Variants in NINL observed in about 807,000 individuals in gnomAD.
NINL encodes ninein like, also known as ninein-like protein.
NINL carries 153 observed loss-of-function variants against 160.3 expected under a neutral mutation model. The ratio of observed to expected loss-of-function variants is 0.95; its 90% CI spans 0.84 to 1.09. NINL has a LOEUF of 1.09. NINL is among the 50% of genes least tolerant of loss of function. The probability of loss-of-function intolerance (pLI) is 0.00; values close to 1 mark genes in which losing one functional copy is unlikely to be tolerated. For synonymous variants in NINL, 800 were observed against 734.8 expected, an observed-to-expected ratio of 1.09 and a Z score of -1.43; for missense variants, 1,829 against 1,764.0, an observed-to-expected ratio of 1.04 and a Z score of -0.66.
At chr20:25,553,620 T>C (rs1168386668) in intron 1 of NINL, among the ~76,000 whole-genome samples, 1 of 152,204 alleles carries the variant, frequency 6.6e-6, no homozygotes, top group African/African-American at 2.4e-5. Flanking sequence ...GTAAAGCCCA[T>C]ATAAAATCTC....
Position 25,482,118 on chromosome 20 carries a change from G to C in NINL, c.1678-18C>G, listed in dbSNP as rs1465745811. ...TGCAGGTCCTGTGGGGACAGAGCCAGCCACCTCCTCTAGCAGCTGCAGCCA... is the reference window on the plus strand; with the variant it reads ...TGCAGGTCCTGTGGGGACAGAGCCACCCACCTCCTCTAGCAGCTGCAGCCA... On this transcript the variant is annotated intron_variant, in intron 13 of 23. Coordinates refer to ENST00000278886, the MANE Select transcript of NINL (RefSeq NM_025176.6). 1.9e-6 allele frequency: 3 copies of C among 1,587,822 alleles called. No individual in the cohort carries two copies. Among genetic ancestry groups the C allele is most frequent in the Non-Finnish European group, 2.6e-6 (3 of 1,172,854 alleles).
At chr20:25,513,166 C>A (rs565809182) in intron 3 of NINL, among the ~76,000 whole-genome samples, 160 bp from the exon 4 acceptor site, 1 of 152,306 alleles carries the variant, frequency 6.6e-6, no homozygotes, top group East Asian at 1.9e-4. Context: ...ACACGAGAAA[C>A]AGTGAACAAT....
chr20:25,466,159 C>T (rs573595637), intron 19 of NINL, among the ~76,000 whole-genome samples: 51 of 152,170 alleles, frequency 3.4e-4, no homozygotes, highest in Middle Eastern at 3.4e-3. Context: ...GTAGCTGGGA[C>T]TATAGGCACA....
intron 1 of NINL, among the ~76,000 whole-genome samples, chr20:25,581,035 T>C (rs934005222): frequency 1.3e-5 from 2 of 152,246 alleles, no homozygotes; most frequent in African/African-American, 4.8e-5. Flanking sequence ...TAGGAAGCCA[T>C]GCCAGTTCAG....
At chr20:25,544,021 A>G (rs1305884687) in intron 1 of NINL, among the ~76,000 whole-genome samples, 1 of 131,688 alleles carries the variant, frequency 7.6e-6, no homozygotes, top group Admixed American at 7.2e-5. Flanking sequence ...CAGTGTTTTG[A>G]TTACTCTGTG....
At chr20:25,555,956 T>G (rs1315532872) in intron 1 of NINL, among the ~76,000 whole-genome samples, 1 of 148,950 alleles carries the variant, frequency 6.7e-6, no homozygotes, top group Non-Finnish European at 1.5e-5. Context: ...ATTATAAGCG[T>G]GAGCCACCAT....
intron 13 of NINL, among the ~76,000 whole-genome samples, chr20:25,483,345 AAAAG>A (rs941318547): frequency 2.0e-5 from 3 of 151,378 alleles, no homozygotes; most frequent in African/African-American, 4.8e-5. Context: ...CAAAAAAAAA[AAAAG>A]AAAAGAAAAG....
chr20:25,554,636 C>CAAAAAAAA (rs747557892), intron 1 of NINL, among the ~76,000 whole-genome samples: 1 of 85,800 alleles, frequency 1.2e-5, no homozygotes, highest in Non-Finnish European at 2.1e-5. Flanking sequence ...AAAAAAAAAA[C>CAAAAAAAA]AAAAAAAAAA....
At chr20:25,513,044 T>C (rs1224318222) in intron 3 of NINL, 38 bp from the exon 4 acceptor site, 5 of 1,580,180 alleles carry the variant, frequency 3.2e-6, no homozygotes, top group African/African-American at 2.7e-5. Flanking sequence ...GGGTCCTTTA[T>C]AGCAGTTCTG....
intron 1 of NINL, among the ~76,000 whole-genome samples, chr20:25,566,155 C>G (rs1197980756): frequency 6.6e-6 from 1 of 152,208 alleles, no homozygotes; most frequent in South Asian, 2.1e-4. Context: ...AGACAGATAC[C>G]CTGTTGGTCT....
intron 5 of NINL, among the ~76,000 whole-genome samples, chr20:25,507,518 A>T (rs1568926863): frequency 6.6e-6 from 1 of 152,224 alleles, no homozygotes; most frequent in African/African-American, 2.4e-5. Flanking sequence ...CCAGCCAGAC[A>T]TGTTCCTCTA....
chr20:25,495,261 C>A (rs571175050), intron 10 of NINL, among the ~76,000 whole-genome samples: 152 of 152,330 alleles, frequency 1.0e-3, no homozygotes, highest in Non-Finnish European at 1.8e-3. Context: ...TGGCACAATT[C>A]CAACATGCGA....
chr20:25,565,447 A>G (rs1424263816), intron 1 of NINL, among the ~76,000 whole-genome samples: 1 of 152,124 alleles, frequency 6.6e-6, no homozygotes, highest in Non-Finnish European at 1.5e-5. Flanking sequence ...GAAGACAGGC[A>G]GGCAGGCAAA....
intron 1 of NINL, among the ~76,000 whole-genome samples, chr20:25,583,198 C>G (rs111469055): frequency 6.6e-6 from 1 of 151,964 alleles, no homozygotes; most frequent in African/African-American, 2.4e-5. Flanking sequence ...ACCTACAGAA[C>G]GGGGTAAAAT....
intron 16 of NINL, 131 bp from the exon 17 acceptor site, chr20:25,477,220 C>G (rs1209011206): frequency 1.2e-6 from 1 of 845,210 alleles, no homozygotes; most frequent in Non-Finnish European, 1.8e-6. Flanking sequence ...CCCTCCTCGC[C>G]TCCCTCAGCC....
chr20:25,491,264 G>C, intron 11 of NINL, 87 bp downstream of exon 11: 3 of 1,470,576 alleles, frequency 2.0e-6, no homozygotes, highest in Non-Finnish European at 2.8e-6. Context: ...GGCAGGTGTG[G>C]ATCTGGATCC....
intron 2 of NINL, among the ~76,000 whole-genome samples, chr20:25,519,096 C>CAAAA (rs60327668): frequency 8.7e-5 from 8 of 91,918 alleles, no homozygotes; most frequent in African/African-American, 2.5e-4. Flanking sequence ...GACTCTGTCT[C>CAAAA]AAAAAAAAAA....
rs575177156 is a variant in NINL, at chr20:25,539,451, A to G, written c.-11-12853T>C. ...CCTGCCACTTGTGGCCTCGCGGTCT[A>G]TAGGGTGAACTAAACACCTGCTACT... On this transcript the variant is annotated intron_variant, in intron 1 of 23. Transcript: ENST00000278886. Among the ~76,000 whole-genome samples the G allele has an allele frequency of 1.4e-4, 22 of 152,324 alleles. 1 individual carries two copies. The South Asian group carries it at 3.7e-3, about 26-fold the overall frequency.
At chr20:25,496,539 A>G in intron 10 of NINL, 124 bp downstream of exon 10, 1 of 1,165,750 alleles carries the variant, frequency 8.6e-7, no homozygotes, top group Non-Finnish European at 1.2e-6. Context: ...CTCAGGTGAA[A>G]TAGGGGGGTC....
Sources: gnomAD v4.1 joint callset for allele counts (sites outside exome capture counted in the v4.1 genomes callset) on GRCh38, gnomAD v4.1.1 for gene constraint, MANE v1.5 for transcripts, NCBI Gene and HGNC (gene_info 2026-07-23, HGNC 2026-07-21) for gene names.